The following MIA2 variants were observed in gnomAD, a reference collection of about 807,000 sequenced individuals.
The protein encoded by MIA2 is MIA SH3 domain ER export factor 2.
In MIA2, 127 loss-of-function variants were observed where a neutral mutation model predicts 167.8. The ratio of observed to expected loss-of-function variants is 0.76; its 90% CI spans 0.66 to 0.88. MIA2 has a LOEUF of 0.88. Among genes scored for constraint, MIA2 ranks in the 40% least tolerant of loss-of-function variants. The pLI, the probability that MIA2 is intolerant of heterozygous loss-of-function variation, is 0.00. For synonymous variants in MIA2, 552 were observed against 541.9 expected, an observed-to-expected ratio of 1.02 and a Z score of -0.26; for missense variants, 1,690 against 1,624.7, an observed-to-expected ratio of 1.04 and a Z score of -0.69.
intron 23 of MIA2, among the ~76,000 whole-genome samples, chr14:39,384,436 C>G (rs2075229922): frequency 6.6e-6 from 1 of 152,150 alleles, no homozygotes; most frequent in South Asian, 2.1e-4. Context: ...TGTTTTCATG[C>G]CTGTGAACAC....
At chr14:39,355,731 A>C (rs149471815), downstream of MIA2, among the ~76,000 whole-genome samples, 4,810 of 152,248 alleles carry the variant, frequency 0.032, 275 homozygotes, top group African/African-American at 0.11. Context: ...TGTCCCATCA[A>C]TACCTAATTT....
In MIA2 at chr14:39,293,395, A is replaced by G. The variant is rs747428298; in HGVS notation, c.2319+14A>G. 12 of 1,467,806 alleles carry G rather than the reference A, an allele frequency of 8.2e-6. No homozygotes were observed. The highest frequency in any genetic ancestry group is 5.7e-6 in the Non-Finnish European group (6 of 1,059,936). The allele number at this position is 1,467,806 out of a possible 1,614,324, so 90.9% of individuals were successfully genotyped here. On this transcript the variant is annotated intron_variant, in intron 11 of 28. Coordinates refer to ENST00000640607, the MANE Select transcript of MIA2 (RefSeq NM_001329214.4). ...CAAGATGAATTGGTAAGGCTTTTTT[A>G]TTTGAGGAGAATATAAGAAAAAGAA...
intron 26 of MIA2, among the ~76,000 whole-genome samples, chr14:39,347,378 A>G (rs2073514480): frequency 6.6e-6 from 1 of 152,048 alleles, no homozygotes; most frequent in African/African-American, 2.4e-5. Context: ...AGGAGGAAGG[A>G]GAAGAGGATA....
intron 23 of MIA2, among the ~76,000 whole-genome samples, chr14:39,363,160 T>C (rs1298317649): frequency 1.3e-5 from 2 of 152,248 alleles, no homozygotes; most frequent in Non-Finnish European, 2.9e-5. Context: ...GTGAGAAGAA[T>C]GTATATTCTA....
chr14:39,332,948 T>A (rs766370842), intron 25 of MIA2, among the ~76,000 whole-genome samples: 11 of 152,194 alleles, frequency 7.2e-5, no homozygotes, highest in African/African-American at 2.4e-4. Context: ...CATTCTGTTA[T>A]TAAGCTTATC....
At chr14:39,353,547 TTCCTTTGTGTATA>T (rs1327132368), downstream of MIA2, among the ~76,000 whole-genome samples, 2 of 152,336 alleles carry the variant, frequency 1.3e-5, no homozygotes, top group East Asian at 1.9e-4. Flanking sequence ...CTGAATAGTA[TTCCTTTGTGTATA>T]TATACCACAT....
intron 6 of MIA2, among the ~76,000 whole-genome samples, chr14:39,256,701 A>G (rs1463277662): frequency 1.3e-5 from 2 of 152,158 alleles, no homozygotes; most frequent in East Asian, 3.8e-4. Context: ...TGAAAACTGA[A>G]TAAGTGTTTT....
intron 23 of MIA2, among the ~76,000 whole-genome samples, chr14:39,365,787 A>G (rs1294132211): frequency 6.6e-6 from 1 of 151,974 alleles, no homozygotes; most frequent in African/African-American, 2.4e-5. Context: ...CTTTAATAAC[A>G]TTATTTTGAA....
At chr14:39,357,021 A>G (rs2074545811) in intron 23 of MIA2, among the ~76,000 whole-genome samples, 1 of 152,204 alleles carries the variant, frequency 6.6e-6, no homozygotes, top group Admixed American at 6.5e-5. Context: ...AGAAGAATAT[A>G]TATTCTGTTG....
In MIA2 at chr14:39,286,952, C is replaced by T. The variant is rs1219825204; in HGVS notation, c.2131-4067C>T. On this transcript the variant is annotated intron_variant, in intron 9 of 28. Transcript: ENST00000640607. ...TGTTGGACAGGCTGGTCTCGAACTT[C>T]TGACCTCAAGTGATCTGCCCACCTT... Among the ~76,000 whole-genome samples the T allele has an allele frequency of 2.0e-5, 3 of 152,062 alleles. No homozygotes were observed. The South Asian group carries it at 6.2e-4, about 31-fold the overall frequency.
In MIA2 at chr14:39,234,802, T is replaced by C. The variant is rs559935959; in HGVS notation, c.115+573T>C. Among the ~76,000 whole-genome samples, 15 of 152,170 alleles carry C rather than the reference T, an allele frequency of 9.9e-5. No homozygotes were observed. In the South Asian group the frequency reaches 3.1e-3, roughly 32 times the overall value. ...GAAATCAGGACTAGAATATAAATTT[T>C]TTATTTATATCATTGAATATAAAGC... On this transcript the variant is annotated intron_variant, in intron 1 of 28. Transcript: ENST00000640607.
intron 7 of MIA2, among the ~76,000 whole-genome samples, chr14:39,278,872 G>A (rs1392196913): frequency 6.6e-6 from 1 of 152,180 alleles, no homozygotes; most frequent in Non-Finnish European, 1.5e-5. Context: ...TTAATAAGTA[G>A]TATTTAGGCT....
intron 23 of MIA2, among the ~76,000 whole-genome samples, chr14:39,382,361 C>T (rs992003421): frequency 2.6e-5 from 4 of 152,170 alleles, no homozygotes; most frequent in African/African-American, 9.7e-5. Flanking sequence ...CCACTGAGCC[C>T]CTTCCTGGTC....
rs140608928 is a variant in MIA2 at position 39,343,647 on chromosome 14, T to G, written c.3656-2257T>G. ...CTTTCTTTCTAATCATGTCTTCTAT[T>G]ATAAGCGTAGAATACTATTATAGAA... On this transcript the variant is annotated intron_variant, in intron 25 of 28. Transcript: ENST00000640607. Among the ~76,000 whole-genome samples, 1,050 of 152,308 alleles carry G rather than the reference T, an allele frequency of 6.9e-3. 12 individuals are homozygous for G. The highest frequency in any genetic ancestry group is 0.023 in the African/African-American group (966 of 41,576).
intron 24 of MIA2, among the ~76,000 whole-genome samples, chr14:39,321,292 TTTTA>T (rs1269520075): frequency 2.6e-5 from 4 of 152,024 alleles, no homozygotes; most frequent in African/African-American, 7.2e-5. Context: ...ATGTGTATCT[TTTTA>T]TTTATTTTTC....
rs1566746559 is a variant in MIA2 at position 39,288,447 on chromosome 14, A to ATT, written c.2131-2571_2131-2570insTT. Among the ~76,000 whole-genome samples, 5 of 4,576 alleles carry ATT rather than the reference A, an allele frequency of 1.1e-3. 1 individual carries two copies. The highest frequency in any genetic ancestry group is 1.4e-3 in the Non-Finnish European group (2 of 1,380). 3.0% of individuals were successfully genotyped at this position (4,576 alleles called of 152,430 possible). A position where few individuals can be genotyped will look rare whatever the true frequency, so the allele number is the denominator to read the frequency against. On this transcript the variant is annotated intron_variant, in intron 9 of 28. Transcript: ENST00000640607. ...ATATATTATACATATATATATATAT[A>ATT]TATATATATATATATATATATATAT...
chr14:39,282,028 A>G (rs780290220), intron 9 of MIA2, among the ~76,000 whole-genome samples: 1 of 152,156 alleles, frequency 6.6e-6, no homozygotes, highest in Non-Finnish European at 1.5e-5. Flanking sequence ...TGCATTATCC[A>G]GTAGTCTATT....
intron 23 of MIA2, among the ~76,000 whole-genome samples, chr14:39,383,505 G>A (rs2075210366): frequency 6.6e-6 from 1 of 152,116 alleles, no homozygotes; most frequent in African/African-American, 2.4e-5. Context: ...TTAGGCCTAT[G>A]ACTAACCCTA....
chr14:39,349,901 A>T (rs116063866), intron 28 of MIA2, among the ~76,000 whole-genome samples, 197 bp from the exon 29 acceptor site: 1 of 152,190 alleles, frequency 6.6e-6, no homozygotes, highest in Non-Finnish European at 1.5e-5. Context: ...AAAATTAATG[A>T]TATTTCCTTT....
Sources: allele counts gnomAD v4.1 joint callset (sites outside exome capture counted in the v4.1 genomes callset), GRCh38; gene constraint gnomAD v4.1.1; transcripts MANE v1.5; gene names NCBI Gene and HGNC (gene_info 2026-07-23, HGNC 2026-07-21).